Variants in NR2F6 observed in about 807,000 individuals in gnomAD.
The protein encoded by NR2F6 is ERBA-related gene-2.
Under a neutral mutation model 26.5 loss-of-function variants are expected in NR2F6, and 16 were observed. That is an observed-to-expected ratio of 0.60 (90% CI 0.41 to 0.92). NR2F6 has a LOEUF of 0.92. Among genes scored for constraint, NR2F6 ranks in the 40% least tolerant of loss-of-function variants. NR2F6 has a pLI of 0.00. For synonymous variants in NR2F6, 325 were observed against 305.0 expected (o/e 1.07, Z -0.68); for missense variants, 536 against 631.7 (o/e 0.85, Z 1.62).
intron 2 of NR2F6, among the ~76,000 whole-genome samples, chr19:17,237,244 C>G (rs1350730482): frequency 6.6e-6 from 1 of 152,110 alleles, no homozygotes; most frequent in African/African-American, 2.4e-5. Context: ...AAAGTGGTTC[C>G]CCGGTCCTCC....
intron 2 of NR2F6, among the ~76,000 whole-genome samples, chr19:17,237,244 C>A (rs1350730482): frequency 2.0e-5 from 3 of 152,108 alleles, no homozygotes; most frequent in Admixed American, 6.6e-5. Flanking sequence ...AAAGTGGTTC[C>A]CCGGTCCTCC....
chr19:17,233,023 C>T (rs1304136573), intron 3 of NR2F6, among the ~76,000 whole-genome samples: 2 of 152,170 alleles, frequency 1.3e-5, no homozygotes, highest in African/African-American at 2.4e-5. Flanking sequence ...GTAGTGCGTG[C>T]CTGCAGTTCC....
intron 1 of NR2F6, 134 bp from the exon 2 acceptor site, chr19:17,240,899 AG>A (rs1159659423): frequency 5.2e-6 from 4 of 774,684 alleles, no homozygotes; most frequent in Non-Finnish European, 8.3e-6. Flanking sequence ...GTAGCCCCAA[AG>A]GGGTACAGGA....
At chr19:17,240,583 GA>G in intron 2 of NR2F6, 87 bp downstream of exon 2, 1 of 1,227,736 alleles carries the variant, frequency 8.1e-7, no homozygotes, top group South Asian at 1.4e-5. Flanking sequence ...GGGTGAAAGG[GA>G]GGGGAAAAAG....
At chr19:17,243,796 G>T (rs1389041671) in intron 1 of NR2F6, among the ~76,000 whole-genome samples, 4 of 152,132 alleles carry the variant, frequency 2.6e-5, no homozygotes, top group Admixed American at 1.3e-4. Context: ...TCCGAACTCA[G>T]CGGTCCCCAC....
rs765826283 is a variant in NR2F6 at position 17,237,393 on chromosome 19, TCCTCTCTCTCTCTCTC to T, written c.374-1344_374-1329del. Among the ~76,000 whole-genome samples, 181 of 150,070 alleles carry T rather than the reference TCCTCTCTCTCTCTCTC, an allele frequency of 1.2e-3. 1 individual carries two copies. Among genetic ancestry groups the T allele is most frequent in the Middle Eastern group, 3.4e-3 (1 of 294 alleles). ...CCCTCCCTTCTTTCCTTTCCTTTCT[TCCTCTCTCTCTCTCTC>T]CCTCTCTCTCTCTCTCTTTTTGAGA... On this transcript the variant is annotated intron_variant, in intron 2 of 3. Coordinates refer to ENST00000291442, the MANE Select transcript of NR2F6 (RefSeq NM_005234.4).
At chr19:17,243,860 G>A (rs918843552) in intron 1 of NR2F6, among the ~76,000 whole-genome samples, 1 of 152,142 alleles carries the variant, frequency 6.6e-6, no homozygotes, top group Non-Finnish European at 1.5e-5. Context: ...GTCCCTCCAT[G>A]TCCAACGCAA....
intron 2 of NR2F6, among the ~76,000 whole-genome samples, chr19:17,237,066 C>T (rs1599454542): frequency 1.3e-5 from 2 of 152,318 alleles, no homozygotes; most frequent in South Asian, 2.1e-4. Context: ...TCATCACCTC[C>T]GTGAACTCCA....
At chr19:17,232,780 A>G (rs2073415322) in intron 3 of NR2F6, among the ~76,000 whole-genome samples, 154 bp from the exon 4 acceptor site, 1 of 152,194 alleles carries the variant, frequency 6.6e-6, no homozygotes, top group South Asian at 2.1e-4. Context: ...TGGGAGGCCA[A>G]GGCAGAAGCA....
chr19:17,243,424 C>T (rs1397131043), intron 1 of NR2F6, among the ~76,000 whole-genome samples: 3 of 152,232 alleles, frequency 2.0e-5, no homozygotes, highest in African/African-American at 7.2e-5. Flanking sequence ...CCAGGTCACA[C>T]AACTGACACA....
rs913947704 is a variant in NR2F6 at position 17,235,353 on chromosome 19, A to C, written c.940+146T>G. The C allele has an allele frequency of 6.2e-6, 9 of 1,443,306 alleles. No individual in the cohort carries two copies. The highest frequency in any genetic ancestry group is 8.2e-6 in the Non-Finnish European group (9 of 1,101,022). 89.4% of individuals were successfully genotyped at this position (1,443,306 alleles called of 1,614,324 possible). A position where few individuals can be genotyped will look rare whatever the true frequency, so the allele number is the denominator to read the frequency against. On this transcript the variant is annotated intron_variant, in intron 3 of 3. Transcript: ENST00000291442. The surrounding 1 kb of genome is among the most constrained non-coding windows in gnomAD (Gnocchi z 5.0). ...TACATCACCCCTCTACAGCCACCCA[A>C]GAGCGTTCACTCACGGCGCGTGCAG... is the stretch of plus-strand genomic sequence containing the variant.
At chr19:17,241,493 G>A (rs1484445746) in intron 1 of NR2F6, among the ~76,000 whole-genome samples, 1 of 152,222 alleles carries the variant, frequency 6.6e-6, no homozygotes, top group East Asian at 1.9e-4. Flanking sequence ...CCTGAGAGGT[G>A]GTGAGCTCCC....
chr19:17,239,065 G>A (rs1228207684), intron 2 of NR2F6, among the ~76,000 whole-genome samples: 3 of 152,120 alleles, frequency 2.0e-5, no homozygotes, highest in Admixed American at 6.5e-5. Flanking sequence ...TAGGCCAGGC[G>A]CGGTGACTCA....
chr19:17,239,886 A>G (rs2073459978), intron 2 of NR2F6, among the ~76,000 whole-genome samples: 1 of 152,194 alleles, frequency 6.6e-6, no homozygotes, highest in Non-Finnish European at 1.5e-5. Flanking sequence ...GGCTCAGGTT[A>G]GACATTAGAA....
rs1201244892 is a variant in NR2F6, at chr19:17,244,896, A to AG, written c.278+46dup. On this transcript the variant is annotated intron_variant, in intron 1 of 3. Coordinates refer to ENST00000291442, the MANE Select transcript of NR2F6 (RefSeq NM_005234.4). ...ACCGAGCAGGTCAGAGGCCTGCCCC[A>AG]GGTCGGGGCGGGGTGCACGGCGGCG... 1.9e-6 allele frequency: 3 copies of AG among 1,542,976 alleles called. No individual in the cohort carries two copies. In the African/African-American group the frequency reaches 4.1e-5, roughly 21 times the overall value.
intron 2 of NR2F6, 103 bp downstream of exon 2, chr19:17,240,568 G>A (rs1395581210): frequency 1.0e-5 from 11 of 1,090,466 alleles, no homozygotes; most frequent in Non-Finnish European, 1.5e-5. Flanking sequence ...CCCTGTGAAA[G>A]GGAGGGGTGA....
intron 1 of NR2F6, among the ~76,000 whole-genome samples, chr19:17,242,834 A>G (rs914951083): frequency 2.0e-5 from 3 of 152,142 alleles, no homozygotes; most frequent in African/African-American, 7.2e-5. Flanking sequence ...CCATCCCTCC[A>G]AGGAGGGAAA....
Position 17,235,623 on chromosome 19 carries a change from G to T in NR2F6, c.816C>A (p.Ala272=). Residue 272 remains alanine, a synonymous_variant, in exon 3 of 4, where the codon GCC becomes GCA. Transcript: ENST00000291442. This position sits in a 1 kb window ranked among gnomAD's most constrained non-coding sequence, Gnocchi z 5.0. Reference sequence around the variant, plus strand: ...GGTCCATGAAAGCCACGGCGCGCTCGGCGGCCATAGGCGCGGCGTGGAGGC... The same window carrying T: ...GGTCCATGAAAGCCACGGCGCGCTCTGCGGCCATAGGCGCGGCGTGGAGGC... The part of the protein sequence containing the change: ...AAGLHAAPMA[A]ERAVAFMDQV... The T allele has an allele frequency of 6.5e-7, 1 of 1,546,764 alleles. No individual in the cohort carries two copies. Among genetic ancestry groups the T allele is most frequent in the Non-Finnish European group, 8.7e-7 (1 of 1,155,040 alleles).
intron 1 of NR2F6, 126 bp from the exon 2 acceptor site, chr19:17,240,891 A>G (rs1439271557): frequency 2.3e-6 from 2 of 871,108 alleles, no homozygotes; most frequent in African/African-American, 3.4e-5. Flanking sequence ...CTGGAGAGGT[A>G]GCCCCAAAGG....
Sources: gnomAD v4.1 joint callset for allele counts (sites outside exome capture counted in the v4.1 genomes callset) on GRCh38, gnomAD v4.1.1 for gene constraint, Gnocchi (gnomAD v3.1) non-coding constraint, MANE v1.5 for transcripts, NCBI Gene and HGNC (gene_info 2026-07-23, HGNC 2026-07-21) for gene names.